DR1: variants seen among roughly 807,000 people sequenced by gnomAD.
The protein encoded by DR1 is down-regulator of transcription 1.
A neutral mutation model predicts 19.9 loss-of-function variants in DR1; 7 were observed. The observed-to-expected ratio is 0.35, with a 90% CI of 0.20 to 0.66. The LOEUF is 0.66. Ranked by LOEUF, DR1 falls within the 30% of genes least tolerant of loss-of-function variation. The pLI is 0.66. For synonymous variants in DR1, 76 were observed against 72.5 expected (o/e 1.05, Z -0.24); for missense variants, 98 against 203.7 (o/e 0.48, Z 3.16).
intron 1 of DR1, among the ~76,000 whole-genome samples, chr1:93,352,587 G>C (rs1409574711): frequency 6.6e-6 from 1 of 152,192 alleles, no homozygotes; most frequent in Non-Finnish European, 1.5e-5. Flanking sequence ...TGGGCATGTA[G>C]ATTTGTAAAG....
intron 1 of DR1, among the ~76,000 whole-genome samples, chr1:93,350,878 TA>T (rs1344375661): frequency 1.3e-5 from 2 of 152,190 alleles, no homozygotes; most frequent in Non-Finnish European, 2.9e-5. Context: ...GAATAGTCCA[TA>T]AGGTCTCTGT....
rs1666947287 is a variant in DR1 at position 93,353,948 on chromosome 1, A to G, written c.261A>G (p.Val87=). ...GATTTGGCTCTTACATCAGTGAAGT[A>G]AAAGAAGTCTTGCAAGAGTGTAAAA... The part of the protein sequence containing the change: ...SLGFGSYISE[V]KEVLQECKTV... The change falls in exon 2 of 3, where the codon GTA becomes GTG. Residue 87 remains valine (V), a synonymous_variant. Transcript: ENST00000370272. 3.1e-6 allele frequency: 5 copies of G among 1,612,174 alleles called. No homozygotes were observed. The highest frequency in any genetic ancestry group is 2.2e-5 in the East Asian group (1 of 44,830).
chr1:93,346,326 C>T lies in DR1; in HGVS notation c.-320C>T. The T allele has an allele frequency of 2.8e-6, 1 of 361,108 alleles. No individual in the cohort carries two copies. The highest frequency in any genetic ancestry group is 5.2e-6 in the Non-Finnish European group (1 of 190,668). The allele number at this position is 361,108 out of a possible 1,614,324, so 22.4% of individuals were successfully genotyped here. A position where few individuals can be genotyped will look rare whatever the true frequency, so the allele number is the denominator to read the frequency against. Reference sequence around the variant, plus strand: ...GGGACCAGTTAGGCGACAGCGCCCGCCCCTCTGAGGAGACACGAAGGTGGT... The same window carrying T: ...GGGACCAGTTAGGCGACAGCGCCCGTCCCTCTGAGGAGACACGAAGGTGGT... On this transcript the variant is annotated 5_prime_UTR_variant, in exon 1 of 3. Coordinates refer to ENST00000370272, the MANE Select transcript of DR1 (RefSeq NM_001938.3).
intron 2 of DR1, chr1:93,355,839 G>T (rs923216785): frequency 2.0e-5 from 3 of 152,180 alleles, no homozygotes; most frequent in Middle Eastern, 3.2e-3. Context: ...ATATGAAAGA[G>T]TGGATAAGTA....
In DR1 at chr1:93,361,931, A is replaced by G. The variant is rs1409016367; in HGVS notation, c.*1292A>G. The G allele has an allele frequency of 6.6e-6, 1 of 152,532 alleles. No individual in the cohort carries two copies. The highest frequency in any genetic ancestry group is 1.5e-5 in the Non-Finnish European group (1 of 67,932). The allele number at this position is 152,532 out of a possible 1,614,324, so 9.4% of individuals were successfully genotyped here. ...GAATCCAGGATGTTGAAGAAATGGC[A>G]TAATGTCTATATTTTGGAAACAGAA... On this transcript the variant is annotated 3_prime_UTR_variant, in exon 3 of 3. Coordinates refer to ENST00000370272, the MANE Select transcript of DR1 (RefSeq NM_001938.3).
chr1:93,347,057 A>G (rs940076915), intron 1 of DR1, among the ~76,000 whole-genome samples, 192 bp downstream of exon 1: 3 of 152,252 alleles, frequency 2.0e-5, no homozygotes, highest in African/African-American at 7.2e-5. Context: ...CTTTTCATCC[A>G]GCGAATACAT....
chr1:93,353,816 C>A (rs1666945893), intron 1 of DR1, 92 bp from the exon 2 acceptor site: 2 of 1,040,248 alleles, frequency 1.9e-6, no homozygotes, highest in Non-Finnish European at 2.7e-6. Context: ...TCCCCTCCCC[C>A]AAAGAAAAGC....
intron 1 of DR1, among the ~76,000 whole-genome samples, chr1:93,350,814 T>A (rs547028194): frequency 2.0e-5 from 3 of 152,276 alleles, no homozygotes; most frequent in South Asian, 2.1e-4. Flanking sequence ...TCACAAATTT[T>A]TAAAAAAATA....
Position 93,353,936 on chromosome 1 carries a change from C to T in DR1, c.249C>T (p.Tyr83=), listed in dbSNP as rs1666947135. 8.7e-6 allele frequency: 14 copies of T among 1,610,350 alleles called. No individual in the cohort carries two copies. The highest frequency in any genetic ancestry group is 1.1e-5 in the South Asian group (1 of 90,070). Residue 83 remains tyrosine (Y), a synonymous_variant, in exon 2 of 3, where the codon TAC becomes TAT. Transcript: ENST00000370272. ...QALESLGFGS[Y]ISEVKEVLQE... ...TAGAAAGTTTGGGATTTGGCTCTTA[C>T]ATCAGTGAAGTAAAAGAAGTCTTGC...
chr1:93,354,163 T>A, intron 2 of DR1, 92 bp downstream of exon 2: 1 of 1,271,774 alleles, frequency 7.9e-7, no homozygotes, highest in Non-Finnish European at 1.1e-6. Context: ...CCCAGAGGAT[T>A]CCCTTTTTCT....
rs1412083458 is a variant in DR1, at chr1:93,346,738, G to A, written c.93G>A (p.Val31=). The change falls in exon 1 of 3, where the codon GTG becomes GTA. Residue 31 remains valine, a synonymous_variant. Coordinates refer to ENST00000370272, the MANE Select transcript of DR1 (RefSeq NM_001938.3). ...AAGAGACTCTTCCTAATGTCCGGGT[G>A]GCCAACGATGCTCGAGAGCTGGTGG... ...MIKETLPNVR[V]ANDARELVVN... 1 of 1,613,966 alleles carries A rather than the reference G, an allele frequency of 6.2e-7. No individual in the cohort carries two copies. The highest frequency in any genetic ancestry group is 8.5e-7 in the Non-Finnish European group (1 of 1,180,026).
intron 1 of DR1, 79 bp downstream of exon 1, chr1:93,346,944 G>T (rs1666852234): frequency 7.9e-7 from 1 of 1,269,730 alleles, no homozygotes. Context: ...TCGTGTCAAA[G>T]CCTCCATTCC....
rs929165003 is a variant in DR1 at position 93,366,713 on chromosome 1, G to A, written c.*6074G>A. 6.6e-6 allele frequency: 1 copy of A among 152,124 alleles called. No homozygotes were observed. Among genetic ancestry groups the A allele is most frequent in the Non-Finnish European group, 1.5e-5 (1 of 68,026 alleles). The allele number at this position is 152,124 out of a possible 1,614,324, so 9.4% of individuals were successfully genotyped here. A position where few individuals can be genotyped will look rare whatever the true frequency, so the allele number is the denominator to read the frequency against. The stretch of plus-strand genomic sequence containing the variant: ...ATACATTTAAAAAGGATAAAAACAA[G>A]TAAGAATTGGCTGGACATGGTGGCT... On this transcript the variant is annotated 3_prime_UTR_variant, in exon 3 of 3. Coordinates refer to ENST00000370272, the MANE Select transcript of DR1 (RefSeq NM_001938.3).
At chr1:93,355,825 C>A (rs1472016383) in intron 2 of DR1, 1 of 152,136 alleles carries the variant, frequency 6.6e-6, no homozygotes, top group Non-Finnish European at 1.5e-5. Flanking sequence ...CACTGAAGTT[C>A]TAAATATGAA....
chr1:93,353,648 A>C (rs1666944141), intron 1 of DR1, among the ~76,000 whole-genome samples: 1 of 152,184 alleles, frequency 6.6e-6, no homozygotes, highest in Non-Finnish European at 1.5e-5. Flanking sequence ...TTTAAAAATT[A>C]GTCAGAATGA....
At chr1:93,356,654 A>G (rs914598020) in intron 2 of DR1, among the ~76,000 whole-genome samples, 6 of 152,024 alleles carry the variant, frequency 3.9e-5, no homozygotes, top group African/African-American at 1.5e-4. Flanking sequence ...ACCACAAAAT[A>G]TAGGTATGCT....
chr1:93,358,521 C>T (rs143230866), intron 2 of DR1, among the ~76,000 whole-genome samples: 8 of 152,210 alleles, frequency 5.3e-5, no homozygotes, highest in Non-Finnish European at 1.0e-4. Context: ...CCCATCCCCC[C>T]ACTCTGGCAG....
chr1:93,349,848 T>C (rs1666895598), intron 1 of DR1, among the ~76,000 whole-genome samples: 1 of 152,144 alleles, frequency 6.6e-6, no homozygotes, highest in Non-Finnish European at 1.5e-5. Context: ...GACATAAAAT[T>C]ATTTTGTCAA....
intron 1 of DR1, among the ~76,000 whole-genome samples, chr1:93,353,167 T>G (rs1666937376): frequency 6.6e-6 from 1 of 152,164 alleles, no homozygotes; most frequent in Non-Finnish European, 1.5e-5. Context: ...AGTACTGGAA[T>G]TACAGGCATG....
Sources: gnomAD v4.1 joint callset for allele counts (sites outside exome capture counted in the v4.1 genomes callset) on GRCh38, gnomAD v4.1.1 for gene constraint, MANE v1.5 for transcripts, NCBI Gene and HGNC (gene_info 2026-07-23, HGNC 2026-07-21) for gene names.